Variants in SHANK2 observed in about 807,000 individuals in gnomAD.
SHANK2 encodes the protein SH3 and multiple ankyrin repeat domains protein 2.
A neutral mutation model predicts 133.7 loss-of-function variants in SHANK2; 43 were observed. The observed-to-expected ratio is 0.32, with a 90% confidence interval of 0.25 to 0.41. The LOEUF is 0.41. Ranked by LOEUF, SHANK2 falls within the 10% of genes least tolerant of loss-of-function variation. SHANK2 has a pLI of 1.00. For missense variants in SHANK2, 1,994 were observed against 2,235.8 expected (o/e 0.89, Z 2.18); for synonymous variants, 1,017 against 952.8 (o/e 1.07, Z -1.24).
At chr11:71,146,055 A>G (rs1467745188) in intron 3 of SHANK2, among the ~76,000 whole-genome samples, 2 of 152,308 alleles carry the variant, frequency 1.3e-5, no homozygotes, top group East Asian at 1.9e-4. Flanking sequence ...TGGGCTTCGT[A>G]CCAACTGCCC....
chr11:70,772,177 C>T (rs1011173173), intron 14 of SHANK2, among the ~76,000 whole-genome samples: 5 of 152,122 alleles, frequency 3.3e-5, no homozygotes, highest in East Asian at 1.9e-4. Flanking sequence ...TGGTGCCTCA[C>T]GCCTGAAATC....
chr11:70,614,150 GGGAAGGCCAA>G (rs2060705015), intron 17 of SHANK2, among the ~76,000 whole-genome samples: 1 of 152,196 alleles, frequency 6.6e-6, no homozygotes, highest in Non-Finnish European at 1.5e-5. Context: ...GCGCAAGCCA[GGGAAGGCCAA>G]GGAGTGTCAG....
At chr11:70,741,261 A>G (rs1289442224) in intron 14 of SHANK2, among the ~76,000 whole-genome samples, 1 of 150,352 alleles carries the variant, frequency 6.7e-6, no homozygotes, top group African/African-American at 2.5e-5. Context: ...CCATCCATCC[A>G]TCCATCCATC....
At chr11:70,916,663 C>T (rs1950275159) in intron 10 of SHANK2, among the ~76,000 whole-genome samples, 1 of 152,162 alleles carries the variant, frequency 6.6e-6, no homozygotes, top group Non-Finnish European at 1.5e-5. Flanking sequence ...CCCCCTCGCC[C>T]TCCCTTCGCC....
intron 9 of SHANK2, among the ~76,000 whole-genome samples, chr11:71,068,979 TCATCAGCACCATCACTATCAACCACTAC>T: frequency 6.7e-6 from 1 of 149,408 alleles, no homozygotes; most frequent in East Asian, 2.0e-4. Context: ...CTCACCACCA[TCATCAGCACCATCACTATCAACCACTAC>T]CATCATCACC....
At chr11:70,745,995 C>A (rs1437994442) in intron 14 of SHANK2, among the ~76,000 whole-genome samples, 2 of 152,226 alleles carry the variant, frequency 1.3e-5, no homozygotes, top group African/African-American at 4.8e-5. Flanking sequence ...GCATGCTGCA[C>A]CCTCCTCTCC....
intron 13 of SHANK2, 66 bp from the exon 14 acceptor site, chr11:70,798,622 CG>C (rs1258968386): frequency 7.1e-6 from 5 of 707,442 alleles, no homozygotes; most frequent in African/African-American, 5.3e-5. Flanking sequence ...TTGAACAAGA[CG>C]AGTGGGGCTG....
At position 70,486,799 on chromosome 11, in the gene SHANK2, G is replaced by C; in HGVS notation, c.3494C>G (p.Ala1165Gly). ...CAGCGGCCTCCCAGCCTCACCCGGA[G>C]CACTGGCCTCGGCGCCACCCACGAA... ...NHFVGGAEAS[A>G]PGEAGRPLNS... Residue 1165 changes from alanine to glycine, a missense_variant, in exon 25 of 26, where the codon GCT becomes GGT. Ala to Gly is a moderately conservative substitution (Grantham distance 60). This residue lies in a region of SHANK2 where 797 missense variants were observed against 907.4 expected (regional missense o/e 0.88). Transcript: ENST00000601538. The surrounding 1 kb of genome is among the most constrained non-coding windows in gnomAD (Gnocchi z 8.0). The C allele has an allele frequency of 1.2e-6, 2 of 1,612,270 alleles. No homozygotes were observed. Among genetic ancestry groups the C allele is most frequent in the Non-Finnish European group, 1.7e-6 (2 of 1,179,942 alleles).
At chr11:70,628,111 C>T (rs1327623936) in intron 17 of SHANK2, among the ~76,000 whole-genome samples, 5 of 152,190 alleles carry the variant, frequency 3.3e-5, no homozygotes, top group Non-Finnish European at 7.3e-5. Context: ...AGGCGCATGC[C>T]ACCATGCCCA....
intron 7 of SHANK2, 79 bp downstream of exon 7, chr11:71,094,458 G>T: frequency 7.2e-7 from 1 of 1,392,072 alleles, no homozygotes; most frequent in Non-Finnish European, 9.8e-7. Context: ...CCTAGGATGG[G>T]CACTGCGGGG....
chr11:70,908,415 A>G (rs1304596419), intron 10 of SHANK2, among the ~76,000 whole-genome samples: 2 of 152,222 alleles, frequency 1.3e-5, no homozygotes, highest in African/African-American at 2.4e-5. Context: ...CCACATAGAC[A>G]GCATGTCAAG....
At chr11:70,481,008 C>T (rs565297082) in intron 25 of SHANK2, among the ~76,000 whole-genome samples, 1 of 152,374 alleles carries the variant, frequency 6.6e-6, no homozygotes, top group Admixed American at 6.5e-5. Flanking sequence ...GGACCACTGA[C>T]TCTTCACAGA....
chr11:71,197,907 C>G (rs1591011088), intron 2 of SHANK2, among the ~76,000 whole-genome samples: 3 of 152,308 alleles, frequency 2.0e-5, no homozygotes, highest in Admixed American at 2.0e-4. Flanking sequence ...GTCTTAATCA[C>G]CAACCCCAGC....
rs374724544 is a variant in SHANK2 at position 70,485,757 on chromosome 11, G to A, written c.4536C>T (p.Thr1512=). 5.0e-6 allele frequency: 8 copies of A among 1,613,898 alleles called. No individual in the cohort carries two copies. The highest frequency in any genetic ancestry group is 2.2e-5 in the East Asian group (1 of 44,890). Residue 1512 remains threonine (T), a synonymous_variant, in exon 25 of 26, where the codon ACC becomes ACT. Coordinates refer to ENST00000601538, the MANE Select transcript of SHANK2 (RefSeq NM_012309.5). This position sits in a 1 kb window ranked among gnomAD's most constrained non-coding sequence, Gnocchi z 5.8. ...AAGACAGGGTGGAGATGCTAGACAC[G>A]GTGGAGATAGTGCTGGTCGTCTCGA... ...HHLETTSTIS[T]VSSISTLSSE... is the part of the protein sequence containing the mutation.
At chr11:70,477,308 G>C (rs1294399530) in intron 25 of SHANK2, 1 of 152,264 alleles carries the variant, frequency 6.6e-6, no homozygotes, top group African/African-American at 2.4e-5. Context: ...AGGCAGTGGG[G>C]CAGACCCTGG....
At chr11:71,065,318 C>T (rs1951035197) in intron 9 of SHANK2, among the ~76,000 whole-genome samples, 1 of 142,894 alleles carries the variant, frequency 7.0e-6, no homozygotes, top group Non-Finnish European at 1.5e-5. Context: ...CAGAACTCTC[C>T]CAGGGAGATG....
intron 2 of SHANK2, among the ~76,000 whole-genome samples, chr11:71,158,756 C>T (rs1443616125): frequency 1.3e-5 from 2 of 152,102 alleles, no homozygotes; most frequent in Non-Finnish European, 2.9e-5. Flanking sequence ...TAGACAAAGA[C>T]AAATAGATGG....
At chr11:70,678,349 G>T (rs1290020495) in intron 15 of SHANK2, among the ~76,000 whole-genome samples, 3 of 151,876 alleles carry the variant, frequency 2.0e-5, no homozygotes, top group Non-Finnish European at 4.4e-5. Flanking sequence ...GCCCAGGCTG[G>T]TCTCAAACTC....
Position 70,473,273 on chromosome 11 carries a change from C to G in SHANK2, c.5146G>C (p.Glu1716Gln). The G allele has an allele frequency of 6.2e-7, 1 of 1,613,322 alleles. No individual in the cohort carries two copies. The change falls in exon 26 of 26, where the codon GAG becomes CAG. Residue 1716 changes from glutamate (E) to glutamine (Q), a missense_variant. Glu to Gln is a conservative substitution (Grantham distance 29). This residue lies in a region of SHANK2 where 797 missense variants were observed against 907.4 expected (regional missense o/e 0.88). Transcript: ENST00000601538. The surrounding 1 kb of genome is among the most constrained non-coding windows in gnomAD (Gnocchi z 5.9). Reference sequence around the variant, plus strand: ...GCGGGCAGGGTCTCTTTGTTCATCTCTGTTGGCGAGACCACAGGGCTTGGG... The same window carrying G: ...GCGGGCAGGGTCTCTTTGTTCATCTGTGTTGGCGAGACCACAGGGCTTGGG... ...RAPSPVVSPT[E>Q]MNKETLPAPL...
Sources: gnomAD v4.1 joint callset for allele counts (sites outside exome capture counted in the v4.1 genomes callset) on GRCh38, gnomAD v4.1.1 for gene constraint, gnomAD v4.1.1 regional missense constraint, Gnocchi (gnomAD v3.1) non-coding constraint, MANE v1.5 for transcripts, NCBI Gene and HGNC (gene_info 2026-07-23, HGNC 2026-07-21) for gene names.